MAP3K3: variants seen among roughly 807,000 people sequenced by gnomAD.
The protein encoded by MAP3K3 is MAP/ERK kinase kinase 3.
Under a neutral mutation model 80.9 loss-of-function variants are expected in MAP3K3, and 12 were observed. The observed-to-expected ratio is 0.15, with a 90% CI of 0.10 to 0.24. The LOEUF (loss-of-function observed/expected upper bound fraction) is 0.24. Among genes scored for constraint, MAP3K3 ranks in the 10% least tolerant of loss-of-function variants. MAP3K3 has a pLI of 1.00. For synonymous variants in MAP3K3, 272 were observed against 307.1 expected, an observed-to-expected ratio of 0.89 and a Z score of 1.19; for missense variants, 596 against 834.7, an observed-to-expected ratio of 0.71 and a Z score of 3.52.
chr17:63,694,265 T>C lies in MAP3K3; in HGVS notation c.*488T>C, dbSNP rs2035649396. 1 of 153,316 alleles carries C rather than the reference T, an allele frequency of 6.5e-6. No individual in the cohort carries two copies. The highest frequency in any genetic ancestry group is 2.4e-5 in the African/African-American group (1 of 41,480). 9.5% of individuals were successfully genotyped at this position (153,316 alleles called of 1,614,324 possible). ...GCCTGAGGGAAAGGCCAGCACTCGC[T>C]AGCAGTGGCAGGCAGAGGCCCAGGC... On this transcript the variant is annotated 3_prime_UTR_variant, in exon 16 of 16. Coordinates refer to ENST00000361733, the MANE Select transcript of MAP3K3 (RefSeq NM_002401.5).
In MAP3K3 at chr17:63,690,394, C is replaced by T. The variant is rs369141732; in HGVS notation, c.1194C>T (p.Asp398=). ...CCAAGCAGGTCCAATTTGATCCAGACAGTCCTGAGACAAGCAAGGTACACT... is the reference window on the plus strand; with the variant it reads ...CCAAGCAGGTCCAATTTGATCCAGATAGTCCTGAGACAAGCAAGGTACACT... ...LASKQVQFDP[D]SPETSKEVSA... The change falls in exon 12 of 16, where the codon GAC becomes GAT. Residue 398 remains aspartate, a synonymous_variant. Coordinates refer to ENST00000361733, the MANE Select transcript of MAP3K3 (RefSeq NM_002401.5). The T allele has an allele frequency of 4.6e-5, 74 of 1,613,998 alleles. No individual in the cohort carries two copies. Among genetic ancestry groups the T allele is most frequent in the Non-Finnish European group, 6.1e-5 (72 of 1,179,992 alleles).
At chr17:63,659,834 G>C (rs912720695) in intron 5 of MAP3K3, among the ~76,000 whole-genome samples, 7 of 152,128 alleles carry the variant, frequency 4.6e-5, no homozygotes, top group African/African-American at 1.7e-4. Context: ...GGCCGTACCA[G>C]TTCTTTTTTT....
chr17:63,626,562 C>G (rs1025256709), intron 1 of MAP3K3, among the ~76,000 whole-genome samples: 26 of 152,204 alleles, frequency 1.7e-4, no homozygotes, highest in African/African-American at 5.3e-4. Flanking sequence ...TATCTTAGAA[C>G]AGAAAAACGC....
At chr17:63,672,547 A>T (rs2035133127) in intron 6 of MAP3K3, among the ~76,000 whole-genome samples, 1 of 152,130 alleles carries the variant, frequency 6.6e-6, no homozygotes, top group Non-Finnish European at 1.5e-5. Context: ...GAGGGGAGAA[A>T]ATCAGGGCTA....
intron 6 of MAP3K3, among the ~76,000 whole-genome samples, chr17:63,674,872 G>A (rs545052676): frequency 1.1e-4 from 16 of 152,102 alleles, no homozygotes; most frequent in Non-Finnish European, 1.9e-4. Context: ...CAGAGGACAA[G>A]AAAGAATGTT....
At chr17:63,685,470 G>A in intron 7 of MAP3K3, 47 bp from the exon 8 acceptor site, 2 of 1,475,328 alleles carry the variant, frequency 1.4e-6, no homozygotes, top group East Asian at 2.3e-5. Flanking sequence ...GTCACTGGGG[G>A]GAATTGGGGC....
chr17:63,683,954 C>T (rs1598115527), intron 7 of MAP3K3, among the ~76,000 whole-genome samples: 3 of 151,148 alleles, frequency 2.0e-5, no homozygotes, highest in African/African-American at 2.4e-5. Flanking sequence ...GTCAGGAGTT[C>T]AAGACCAGCC....
At position 63,691,618 on chromosome 17, in the gene MAP3K3, G is replaced by A; in HGVS notation, c.1345-115G>A. On this transcript the variant is annotated intron_variant, in intron 13 of 15. Transcript: ENST00000361733. The surrounding 1 kb of genome is among the most constrained non-coding windows in gnomAD (Gnocchi z 4.8). ...AGCTCCTGGCAAAATGCCCTGCCCA[G>A]CCAGATAGGAATTGAACAAATCACT... 6.9e-7 allele frequency: 1 copy of A among 1,447,528 alleles called. No individual in the cohort carries two copies. The highest frequency in any genetic ancestry group is 2.1e-5 in the Admixed American group (1 of 47,620). 89.7% of individuals were successfully genotyped at this position (1,447,528 alleles called of 1,614,324 possible).
chr17:63,660,442 G>C (rs2034865825), intron 5 of MAP3K3, among the ~76,000 whole-genome samples: 1 of 151,702 alleles, frequency 6.6e-6, no homozygotes, highest in South Asian at 2.1e-4. Flanking sequence ...CAAACTCCTG[G>C]GCTCAAGCAA....
At position 63,660,565 on chromosome 17, in the gene MAP3K3, ATTCTTC is replaced by A. The variant is rs113456141; in HGVS notation, c.381+2679_381+2684del. On this transcript the variant is annotated intron_variant, in intron 5 of 15. Coordinates refer to ENST00000361733, the MANE Select transcript of MAP3K3 (RefSeq NM_002401.5). The stretch of plus-strand genomic sequence containing the variant: ...TGTGCTATCTCTTTCTTCTCTTTGG[ATTCTTC>A]TTCTTCTTCTTCTTCTTCTTTTCTT... Among the ~76,000 whole-genome samples, 854 of 144,284 alleles carry A rather than the reference ATTCTTC, an allele frequency of 5.9e-3. 8 individuals are homozygous for A. Among genetic ancestry groups the A allele is most frequent in the African/African-American group, 0.02 (781 of 38,928 alleles). The allele number at this position is 144,284 out of a possible 152,430, so 94.7% of individuals were successfully genotyped here.
chr17:63,661,393 C>G (rs1598092458), intron 5 of MAP3K3, among the ~76,000 whole-genome samples: 1 of 152,356 alleles, frequency 6.6e-6, no homozygotes, highest in South Asian at 2.1e-4. Context: ...TCTCTACCAT[C>G]ATTTTAAGAT....
At chr17:63,632,035 AC>A (rs1487166288) in intron 1 of MAP3K3, among the ~76,000 whole-genome samples, 2 of 152,152 alleles carry the variant, frequency 1.3e-5, no homozygotes, top group Non-Finnish European at 2.9e-5. Context: ...TTCATTCAGT[AC>A]CATATTACAT....
intron 4 of MAP3K3, among the ~76,000 whole-genome samples, chr17:63,653,025 G>A (rs2034691366): frequency 1.3e-5 from 2 of 152,168 alleles, no homozygotes; most frequent in African/African-American, 4.8e-5. Flanking sequence ...GCAGGGGCTA[G>A]GGAGGTGTGA....
At chr17:63,661,697 A>C (rs534348955) in intron 5 of MAP3K3, among the ~76,000 whole-genome samples, 1 of 152,390 alleles carries the variant, frequency 6.6e-6, no homozygotes, top group East Asian at 1.9e-4. Context: ...AGTTAAAAAT[A>C]TCAAGGATAA....
chr17:63,686,061 ATCT>A (rs1204400660), intron 8 of MAP3K3, among the ~76,000 whole-genome samples: 1 of 152,114 alleles, frequency 6.6e-6, no homozygotes, highest in Non-Finnish European at 1.5e-5. Flanking sequence ...CTTGGTGTAT[ATCT>A]TCTTCTTACA....
At chr17:63,623,245 C>T (rs1277190723) in intron 1 of MAP3K3, among the ~76,000 whole-genome samples, 1 of 152,186 alleles carries the variant, frequency 6.6e-6, no homozygotes, top group Non-Finnish European at 1.5e-5. Flanking sequence ...GTGAGAGTTC[C>T]CGGGGCTTGC....
intron 3 of MAP3K3, among the ~76,000 whole-genome samples, chr17:63,648,967 G>A (rs1217975197): frequency 6.6e-6 from 1 of 152,186 alleles, no homozygotes; most frequent in East Asian, 1.9e-4. Flanking sequence ...TAGGCTTTGC[G>A]TGAAGGATAG....
At chr17:63,666,218 TATG>T (rs756583166) in intron 5 of MAP3K3, among the ~76,000 whole-genome samples, 2 of 152,194 alleles carry the variant, frequency 1.3e-5, no homozygotes, top group Non-Finnish European at 2.9e-5. Context: ...CAATGGTACT[TATG>T]ATAGCTTTTC....
Position 63,693,814 on chromosome 17 carries a change from T to C in MAP3K3, c.*37T>C. 6.5e-7 allele frequency: 1 copy of C among 1,544,268 alleles called. No homozygotes were observed. The highest frequency in any genetic ancestry group is 1.4e-5 in the African/African-American group (1 of 72,538). On this transcript the variant is annotated 3_prime_UTR_variant, in exon 16 of 16. Transcript: ENST00000361733. The surrounding 1 kb of genome is among the most constrained non-coding windows in gnomAD (Gnocchi z 4.2). Reference sequence around the variant, plus strand: ...CACACAGCTGCCGGTCGCCCTTTGCTGCATGGCAGGGGGCTGCTGCTGGGC... The same window carrying C: ...CACACAGCTGCCGGTCGCCCTTTGCCGCATGGCAGGGGGCTGCTGCTGGGC...
Sources: allele counts gnomAD v4.1 joint callset (sites outside exome capture counted in the v4.1 genomes callset), GRCh38; gene constraint gnomAD v4.1.1; non-coding constraint Gnocchi (gnomAD v3.1); transcripts MANE v1.5; gene names NCBI Gene and HGNC (gene_info 2026-07-23, HGNC 2026-07-21).